The following SREBF1 variants were observed in gnomAD, a reference collection of about 807,000 sequenced individuals.
SREBF1 encodes sterol regulatory element binding transcription factor 1.
Under a neutral mutation model 100.1 loss-of-function variants are expected in SREBF1, and 45 were observed. The observed-to-expected ratio is 0.45, with a 90% CI of 0.35 to 0.58. The LOEUF (loss-of-function observed/expected upper bound fraction) is 0.58, where lower values mean the gene tolerates loss of function less well. Among genes scored for constraint, SREBF1 ranks in the 20% least tolerant of loss-of-function variants. The pLI, the probability that SREBF1 is intolerant of heterozygous loss-of-function variation, is 0.00. For synonymous variants in SREBF1, 657 were observed against 681.8 expected (o/e 0.96, Z 0.57); for missense variants, 1,324 against 1,539.4 (o/e 0.86, Z 2.34).
At chr17:17,820,830 G>A (rs1475698271) in intron 1 of SREBF1, 5 of 454,396 alleles carry the variant, frequency 1.1e-5, no homozygotes, top group African/African-American at 5.9e-5. Flanking sequence ...GCCCAGGGTC[G>A]GGCCCAAGAC....
At chr17:17,813,894 C>G in intron 16 of SREBF1, 125 bp from the exon 17 acceptor site, 2 of 1,021,800 alleles carry the variant, frequency 2.0e-6, no homozygotes, top group Non-Finnish European at 1.5e-6. Context: ...GCCTCACACA[C>G]GTGCAATGCA....
rs753388357 is a variant in SREBF1, at chr17:17,820,404, C to T, written c.209G>A (p.Gly70Asp). 6.2e-7 allele frequency: 1 copy of T among 1,612,772 alleles called. No individual in the cohort carries two copies. The highest frequency in any genetic ancestry group is 8.5e-7 in the Non-Finnish European group (1 of 1,178,996). Residue 70 changes from glycine to aspartate, a missense_variant, in exon 2 of 19, where the codon GGC (glycine) becomes GAC (aspartate). Physicochemically the swap from Gly to Asp is moderately conservative, Grantham distance 94. Coordinates refer to ENST00000261646, the MANE Select transcript of SREBF1 (RefSeq NM_004176.5). ...DPASPDTSSP[G>D]SLSPPPATLS... is the part of the protein sequence containing the mutation. ...TGTGGCAGGAGGTGGAGACAAGCTG[C>T]CTGGGGAGCTGGTATCGGGGCTGGC... is the stretch of plus-strand genomic sequence containing the variant.
rs984068061 is a variant in SREBF1 at position 17,836,856 on chromosome 17, C to T, written c.-39G>A. The T allele has an allele frequency of 2.0e-6, 3 of 1,505,158 alleles. No homozygotes were observed. The African/African-American group carries it at 4.3e-5, about 22-fold the overall frequency. The allele number at this position is 1,505,158 out of a possible 1,614,324, so 93.2% of individuals were successfully genotyped here. On this transcript the variant is annotated 5_prime_UTR_variant, in exon 1 of 19. Transcript: ENST00000261646. ...CCTCCGGGAGGCCCGCCGGGCCCGC[C>T]GCCTCGTACGGCCCTTCCTAGGGAG...
Position 17,816,468 on chromosome 17 carries a change from A to G in SREBF1, c.2036T>C (p.Leu679Pro). ...ACGCTCAGTCCTACCCATGGTGTGCAGCTGGTGCAGCTTATGGTAGACCAG... is the reference window on the plus strand; with the variant it reads ...ACGCTCAGTCCTACCCATGGTGTGCGGCTGGTGCAGCTTATGGTAGACCAG... ...AALVYHKLHQ[L>P]HTMGKHTGGH... Residue 679 changes from leucine (L) to proline (P), a missense_variant, in exon 10 of 19, where the codon CTG becomes CCG. Transcript: ENST00000261646. 1 of 1,606,086 alleles carries G rather than the reference A, an allele frequency of 6.2e-7. No homozygotes were observed. The highest frequency in any genetic ancestry group is 8.5e-7 in the Non-Finnish European group (1 of 1,177,166).
chr17:17,819,472 T>C lies in SREBF1; in HGVS notation c.712-18A>G. 2 of 1,613,526 alleles carry C rather than the reference T, an allele frequency of 1.2e-6. No individual in the cohort carries two copies. The highest frequency in any genetic ancestry group is 8.5e-7 in the Non-Finnish European group (1 of 1,180,034). ...AGCAGGACCTGAGGGTGGGAGAGGC[T>C]TGGCTGTAAGCTGTGTGTCTGGGCT... On this transcript the variant is annotated intron_variant, in intron 3 of 18. Transcript: ENST00000261646.
intron 1 of SREBF1, among the ~76,000 whole-genome samples, chr17:17,832,122 C>T (rs2034898822): frequency 1.3e-5 from 2 of 152,220 alleles, no homozygotes. Flanking sequence ...AAGAGCTAGG[C>T]TCTGGAGCCC....
intron 12 of SREBF1, 173 bp downstream of exon 12, chr17:17,815,687 A>G (rs557824895): frequency 1.5e-4 from 106 of 687,434 alleles, no homozygotes; most frequent in African/African-American, 3.4e-4. Flanking sequence ...GAAAGCCCCA[A>G]TGGGAACGAG....
Position 17,816,293 on chromosome 17 carries a change from C to G in SREBF1, c.2128G>C (p.Val710Leu). Residue 710 changes from valine to leucine, a missense_variant, in exon 11 of 19, where the codon GTG becomes CTG. Coordinates refer to ENST00000261646, the MANE Select transcript of SREBF1 (RefSeq NM_004176.5). ...LNLAECAGDA[V>L]SVATLAEIYV... is the part of the protein sequence containing the mutation. The stretch of plus-strand genomic sequence containing the variant: ...ATCTCGGCCAGCGTCGCCACAGACA[C>G]GGCATCCCCTGCACACTCTGCCAGG... The G allele has an allele frequency of 6.5e-7, 1 of 1,536,718 alleles. No individual in the cohort carries two copies. The highest frequency in any genetic ancestry group is 8.7e-7 in the Non-Finnish European group (1 of 1,148,384).
intron 2 of SREBF1, 33 bp from the exon 3 acceptor site, chr17:17,819,758 GACCTCC>G: frequency 6.4e-7 from 1 of 1,556,482 alleles, no homozygotes; most frequent in Non-Finnish European, 8.6e-7. Flanking sequence ...TGCAGACACA[GACCTCC>G]CTCTCCCACT....
At chr17:17,815,366 G>C (rs1340869063) in intron 12 of SREBF1, 37 bp from the exon 13 acceptor site, 2 of 1,534,432 alleles carry the variant, frequency 1.3e-6, no homozygotes. Flanking sequence ...TGGGGAGCAG[G>C]GCCCCACCCT....
rs1301578690 is a variant in SREBF1, at chr17:17,817,469, G to A, written c.1405-12C>T. 3 of 1,574,886 alleles carry A rather than the reference G, an allele frequency of 1.9e-6. No homozygotes were observed. The highest frequency in any genetic ancestry group is 2.6e-6 in the Non-Finnish European group (3 of 1,160,234). On this transcript the variant is annotated splice_polypyrimidine_tract_variant and intron_variant, in intron 7 of 18. Transcript: ENST00000261646. The surrounding 1 kb of genome is among the most constrained non-coding windows in gnomAD (Gnocchi z 6.6). ...TGCTCTGGCTTTGCCTGGTGGGGTT[G>A]GGCAGGGTGGTGAGGGCAGAATCGG...
intron 15 of SREBF1, 48 bp downstream of exon 15, chr17:17,814,567 G>A (rs1820906965): frequency 6.5e-7 from 1 of 1,536,538 alleles, no homozygotes; most frequent in Non-Finnish European, 8.7e-7. Context: ...CAGGGGATGA[G>A]GAAGGCTGAG....
chr17:17,817,465 G>A lies in SREBF1; in HGVS notation c.1405-8C>T. ...CCGCTGCTCTGGCTTTGCCTGGTGG[G>A]GTTGGGCAGGGTGGTGAGGGCAGAA... On this transcript the variant is annotated splice_polypyrimidine_tract_variant and splice_region_variant and intron_variant, in intron 7 of 18. Transcript: ENST00000261646. The surrounding 1 kb of genome is among the most constrained non-coding windows in gnomAD (Gnocchi z 6.6). 6.3e-7 allele frequency: 1 copy of A among 1,575,822 alleles called. No individual in the cohort carries two copies. Among genetic ancestry groups the A allele is most frequent in the Non-Finnish European group, 8.6e-7 (1 of 1,160,536 alleles).
rs975270143 is a variant in SREBF1, at chr17:17,820,119, T to G, written c.494A>C (p.Tyr165Ser). 2.5e-6 allele frequency: 4 copies of G among 1,612,384 alleles called. No homozygotes were observed. The highest frequency in any genetic ancestry group is 3.4e-6 in the Non-Finnish European group (4 of 1,179,658). The change falls in exon 2 of 19, where the codon TAC becomes TCC. Residue 165 changes from tyrosine to serine, a missense_variant. By Grantham distance (144) the Tyr-to-Ser change is moderately radical. Transcript: ENST00000261646. ...AGAGAAGCCTCCCGGAGGGCTGGGG[T>G]AGCCTAACACAGGGGTGGAGCTGAA... ...PQFSSTPVLG[Y>S]PSPPGGFSTG...
intron 1 of SREBF1, among the ~76,000 whole-genome samples, chr17:17,829,371 G>C (rs898496673): frequency 2.6e-5 from 4 of 151,442 alleles, no homozygotes; most frequent in African/African-American, 9.8e-5. Context: ...GAGCTGCCAG[G>C]CTCCAGTCTG....
At position 17,811,514 on chromosome 17, in the gene SREBF1, G is replaced by T; in HGVS notation, c.*1108C>A. The T allele has an allele frequency of 3.6e-6, 1 of 276,970 alleles. No homozygotes were observed. Among genetic ancestry groups the T allele is most frequent in the South Asian group, 2.8e-5 (1 of 35,748 alleles). The allele number at this position is 276,970 out of a possible 1,614,324, so 17.2% of individuals were successfully genotyped here. ...GAGCCGGGCCAGGCTTTAGGTTGGG[G>T]AATGGGAATGAAGGGAGGGGCTGGG... On this transcript the variant is annotated 3_prime_UTR_variant, in exon 19 of 19. Transcript: ENST00000261646.
intron 1 of SREBF1, among the ~76,000 whole-genome samples, chr17:17,827,561 G>C (rs2034568393): frequency 6.6e-6 from 1 of 152,148 alleles, no homozygotes; most frequent in Non-Finnish European, 1.5e-5. Context: ...AGTGGCACAG[G>C]CTGCCCTTTG....
chr17:17,822,625 T>A (rs963022060), intron 1 of SREBF1, among the ~76,000 whole-genome samples: 7 of 152,222 alleles, frequency 4.6e-5, no homozygotes, highest in African/African-American at 1.7e-4. Context: ...ACAGGACCCA[T>A]GGGGGCCTCC....
intron 1 of SREBF1, among the ~76,000 whole-genome samples, chr17:17,827,230 A>G (rs562366971): frequency 1.4e-3 from 213 of 152,314 alleles, no homozygotes; most frequent in Non-Finnish European, 2.4e-3. Context: ...TTGGTCTGTC[A>G]TCTGAGCCAA....
Sources: gnomAD v4.1 joint callset for allele counts (sites outside exome capture counted in the v4.1 genomes callset) on GRCh38, gnomAD v4.1.1 for gene constraint, Gnocchi (gnomAD v3.1) non-coding constraint, MANE v1.5 for transcripts, NCBI Gene and HGNC (gene_info 2026-07-23, HGNC 2026-07-21) for gene names.